Variants in S100Z observed in about 807,000 individuals in gnomAD.
The protein encoded by S100Z is S100 calcium binding protein Z, also known as protein S100-Z.
A neutral mutation model predicts 8.5 loss-of-function variants in S100Z; 11 were observed. That is an observed-to-expected ratio of 1.30 (90% CI 0.82 to 2.15). The LOEUF (loss-of-function observed/expected upper bound fraction) is 2.15. Ranked by LOEUF, S100Z falls within the 30% of genes most tolerant of loss-of-function variation. S100Z has a pLI of 0.00. For missense variants in S100Z, 126 were observed against 117.9 expected, an observed-to-expected ratio of 1.07 and a Z score of -0.32; for synonymous variants, 34 against 43.8, an observed-to-expected ratio of 0.78 and a Z score of 0.89.
At chr5:76,895,849 G>A (rs552124752) in intron 4 of S100Z, among the ~76,000 whole-genome samples, 247 of 127,220 alleles carry the variant, frequency 1.9e-3, no homozygotes, top group Non-Finnish European at 3.3e-3. Context: ...TGCAATCTCC[G>A]CCTCCCAGGT....
At chr5:76,866,032 A>G (rs1751263143) in intron 1 of S100Z, among the ~76,000 whole-genome samples, 1 of 151,408 alleles carries the variant, frequency 6.6e-6, no homozygotes, top group Non-Finnish European at 1.5e-5. Flanking sequence ...AAAAGAAAAA[A>G]AAAAAGTTAC....
chr5:76,851,140 C>A (rs1403997365), intron 1 of S100Z, among the ~76,000 whole-genome samples: 1 of 152,242 alleles, frequency 6.6e-6, no homozygotes, highest in Non-Finnish European at 1.5e-5. Context: ...AGGCGGAGTG[C>A]TCCCAGGAGC....
At position 76,863,820 on chromosome 5, in the gene S100Z, G is replaced by A. The variant is rs576365015; in HGVS notation, c.-175-6346G>A. On this transcript the variant is annotated intron_variant, in intron 1 of 4. Coordinates refer to ENST00000317593, the MANE Select transcript of S100Z (RefSeq NM_130772.4). ...CCCAAAGTACTGGGATTACAGGTGTGAGCCACTGCGCCCGGCCAATTATAT... is the reference window on the plus strand; with the variant it reads ...CCCAAAGTACTGGGATTACAGGTGTAAGCCACTGCGCCCGGCCAATTATAT... Among the ~76,000 whole-genome samples the A allele has an allele frequency of 2.6e-5, 4 of 152,334 alleles. No individual in the cohort carries two copies. In the East Asian group the frequency reaches 5.8e-4, roughly 22 times the overall value.
the S100Z span, among the ~76,000 whole-genome samples, chr5:76,938,520 C>A: frequency 6.6e-6 from 1 of 152,284 alleles, no homozygotes; most frequent in South Asian, 2.1e-4. Flanking sequence ...GCTTCTGAAG[C>A]CTTCACTTGG....
chr5:76,893,068 A>G (rs1743922240), intron 4 of S100Z, among the ~76,000 whole-genome samples: 1 of 152,186 alleles, frequency 6.6e-6, no homozygotes, highest in African/African-American at 2.4e-5. Flanking sequence ...AGTTTTGTGC[A>G]ATTCAGTTCC....
chr5:76,924,791 T>C (rs768182152), downstream of S100Z, among the ~76,000 whole-genome samples: 1 of 151,938 alleles, frequency 6.6e-6, no homozygotes, highest in Non-Finnish European at 1.5e-5. Context: ...GCACCTGTAA[T>C]CCCAGCTACC....
At chr5:76,937,131 A>G in the S100Z span, among the ~76,000 whole-genome samples, 3 of 152,288 alleles carry the variant, frequency 2.0e-5, no homozygotes, top group Non-Finnish European at 2.9e-5. Context: ...ACCCTTCCAG[A>G]TAAGATATTG....
In S100Z at chr5:76,875,494, C is replaced by T. The variant is rs1178846582; in HGVS notation, c.135C>T (p.Phe45=). Residue 45 remains phenylalanine, a synonymous_variant, in exon 3 of 5, where the codon TTC becomes TTT. Coordinates refer to ENST00000317593, the MANE Select transcript of S100Z (RefSeq NM_130772.4). ...KLLLQRELTE[F]LSCQKETQLV... Reference sequence around the variant, plus strand: ...TCCTGCAGCGAGAGCTCACGGAATTCCTCTCGGTGAGTCAGGCCTTTGTAA... The same window carrying T: ...TCCTGCAGCGAGAGCTCACGGAATTTCTCTCGGTGAGTCAGGCCTTTGTAA... 5.6e-6 allele frequency: 9 copies of T among 1,607,598 alleles called. No homozygotes were observed. The highest frequency in any genetic ancestry group is 2.5e-6 in the Non-Finnish European group (3 of 1,177,558).
chr5:76,931,131 G>T, the S100Z span, among the ~76,000 whole-genome samples: 1 of 151,250 alleles, frequency 6.6e-6, no homozygotes, highest in Non-Finnish European at 1.5e-5. Context: ...TTGAGACAGG[G>T]TCTCACTCGG....
At chr5:76,901,356 T>C (rs1158588387) in intron 4 of S100Z, among the ~76,000 whole-genome samples, 2 of 152,340 alleles carry the variant, frequency 1.3e-5, no homozygotes, top group East Asian at 1.9e-4. Flanking sequence ...AGAAGTGCTG[T>C]CCAGGAGTCA....
intron 1 of S100Z, among the ~76,000 whole-genome samples, 170 bp downstream of exon 1, chr5:76,850,325 G>C (rs935209566): frequency 7.4e-6 from 1 of 134,966 alleles, no homozygotes; most frequent in Admixed American, 7.9e-5. Flanking sequence ...AAAGGGGTCG[G>C]GGGGGTGGGG....
intron 4 of S100Z, among the ~76,000 whole-genome samples, chr5:76,918,055 T>TG: frequency 6.6e-6 from 1 of 152,196 alleles, no homozygotes; most frequent in African/African-American, 2.4e-5. Flanking sequence ...TGGTCAAAGG[T>TG]ATACGTATTT....
intron 4 of S100Z, among the ~76,000 whole-genome samples, chr5:76,904,789 C>T (rs1180504967): frequency 6.6e-6 from 1 of 152,122 alleles, no homozygotes; most frequent in African/African-American, 2.4e-5. Flanking sequence ...AAGTAATCCT[C>T]CTGCCTCAGC....
At chr5:76,922,215 A>C (rs1389150647), downstream of S100Z, among the ~76,000 whole-genome samples, 2 of 152,084 alleles carry the variant, frequency 1.3e-5, no homozygotes, top group Admixed American at 1.3e-4. Context: ...TCCTTGTCTA[A>C]CCAAGAAAGC....
chr5:76,868,512 A>G (rs1362203091), intron 1 of S100Z, among the ~76,000 whole-genome samples: 2 of 97,522 alleles, frequency 2.1e-5, no homozygotes, highest in East Asian at 3.9e-4. Context: ...TATGATATAA[A>G]TATAATACTG....
chr5:76,909,768 G>A (rs1037814451), intron 4 of S100Z, among the ~76,000 whole-genome samples: 1 of 152,276 alleles, frequency 6.6e-6, no homozygotes, highest in Non-Finnish European at 1.5e-5. Flanking sequence ...GCAGATCAAG[G>A]CAGACCTGGG....
the S100Z span, chr5:76,948,716 G>A: frequency 6.6e-6 from 1 of 152,232 alleles, no homozygotes; most frequent in Non-Finnish European, 1.5e-5. Flanking sequence ...CCTGGCCACT[G>A]TTAGAGGGAA....
In S100Z at chr5:76,868,178, G is replaced by A. The variant is rs189350850; in HGVS notation, c.-175-1988G>A. Among the ~76,000 whole-genome samples the A allele has an allele frequency of 3.3e-5, 5 of 152,274 alleles. No homozygotes were observed. The East Asian group carries it at 9.6e-4, about 29-fold the overall frequency. On this transcript the variant is annotated intron_variant, in intron 1 of 4. Coordinates refer to ENST00000317593, the MANE Select transcript of S100Z (RefSeq NM_130772.4). ...AAGTCTCCTGGAGGGCAGGGGCTGA[G>A]GCTGGGTTATATAAAGATAAGCCCC...
chr5:76,926,663 C>G, the S100Z span, among the ~76,000 whole-genome samples: 1 of 152,118 alleles, frequency 6.6e-6, no homozygotes, highest in Non-Finnish European at 1.5e-5. Flanking sequence ...GGAAAAGAAC[C>G]AAGCAGGTTT....
Sources: allele counts gnomAD v4.1 joint callset (sites outside exome capture counted in the v4.1 genomes callset), GRCh38; gene constraint gnomAD v4.1.1; transcripts MANE v1.5; gene names NCBI Gene and HGNC (gene_info 2026-07-23, HGNC 2026-07-21).